The following TTYH2 variants were observed in gnomAD, a reference collection of about 807,000 sequenced individuals.
The protein encoded by TTYH2 is protein tweety homolog 2.
A neutral mutation model predicts 68.3 loss-of-function variants in TTYH2; 49 were observed. The ratio of observed to expected loss-of-function variants is 0.72; its 90% confidence interval spans 0.57 to 0.91. The LOEUF (loss-of-function observed/expected upper bound fraction) is 0.91. Ranked by LOEUF, TTYH2 falls within the 40% of genes least tolerant of loss-of-function variation. The pLI is 0.00. For synonymous variants in TTYH2, 272 were observed against 300.8 expected (o/e 0.90, Z 0.99); for missense variants, 631 against 700.4 (o/e 0.90, Z 1.12).
intron 7 of TTYH2, 61 bp from the exon 8 acceptor site, chr17:74,249,283 G>A: frequency 6.2e-7 from 1 of 1,610,398 alleles, no homozygotes; most frequent in Non-Finnish European, 8.5e-7. Context: ...GGCCACCAAG[G>A]ATGATAGAGA....
At position 74,250,511 on chromosome 17, in the gene TTYH2, G is replaced by A. The variant is rs1441680040; in HGVS notation, c.1116+154G>A. On this transcript the variant is annotated intron_variant, in intron 10 of 13. Transcript: ENST00000269346. ...GAAGCCAGATAATGGGAAGGGAGGG[G>A]GTGCCTGGCTTCTCCAGGGGCTGAG... 7.7e-6 allele frequency: 5 copies of A among 648,184 alleles called. No homozygotes were observed. In the Admixed American group the frequency reaches 8.8e-5, roughly 11 times the overall value. 40.2% of individuals were successfully genotyped at this position (648,184 alleles called of 1,614,324 possible).
chr17:74,254,934 C>G (rs1216080574), intron 13 of TTYH2, among the ~76,000 whole-genome samples: 2 of 152,206 alleles, frequency 1.3e-5, no homozygotes, highest in Admixed American at 1.3e-4. Context: ...CTCCCCATGT[C>G]CCTAGGACTG....
rs570976604 is a variant in TTYH2, at chr17:74,259,839, C to A, written c.1525-290C>A. ...CTGCCCTCAGCCTGCTGGCTGCTGA[C>A]TGCTCCTCCGTGCGCTGGTGGACCC... On this transcript the variant is annotated intron_variant, in intron 13 of 13. Coordinates refer to ENST00000269346, the MANE Select transcript of TTYH2 (RefSeq NM_032646.6). Among the ~76,000 whole-genome samples the A allele has an allele frequency of 7.9e-5, 12 of 152,326 alleles. No individual in the cohort carries two copies. The East Asian group carries it at 2.3e-3, about 29-fold the overall frequency.
chr17:74,213,641 C>T lies in TTYH2; in HGVS notation c.54C>T (p.His18=), dbSNP rs779095403. The change falls in exon 1 of 14, where the codon CAC becomes CAT. Residue 18 remains histidine, a synonymous_variant. Transcript: ENST00000269346. This position sits in a 1 kb window ranked among gnomAD's most constrained non-coding sequence, Gnocchi z 6.1. ...CTCCCTGGTGGGTCGTGTGGCTGCACAGCGTCCCGCACGTCGGCCTGCGCC... is the reference window on the plus strand; with the variant it reads ...CTCCCTGGTGGGTCGTGTGGCTGCATAGCGTCCCGCACGTCGGCCTGCGCC... The part of the protein sequence containing the change: ...YIAPWWVVWL[H]SVPHVGLRLQ... 3.7e-6 allele frequency: 6 copies of T among 1,612,280 alleles called. No individual in the cohort carries two copies. The highest frequency in any genetic ancestry group is 5.1e-6 in the Non-Finnish European group (6 of 1,179,568).
intron 13 of TTYH2, among the ~76,000 whole-genome samples, chr17:74,258,697 GT>G: frequency 6.6e-6 from 1 of 152,130 alleles, no homozygotes; most frequent in East Asian, 1.9e-4. Flanking sequence ...GTCATTCTCG[GT>G]GGGGGGTTCC....
chr17:74,249,422 C>G, intron 8 of TTYH2, 23 bp downstream of exon 8: 2 of 1,612,692 alleles, frequency 1.2e-6, no homozygotes, highest in Non-Finnish European at 1.7e-6. Context: ...GAGGCCTGCC[C>G]TCACCCTGCC....
chr17:74,238,756 A>G (rs909058930), intron 4 of TTYH2, among the ~76,000 whole-genome samples: 8 of 151,850 alleles, frequency 5.3e-5, no homozygotes, highest in Non-Finnish European at 1.2e-4. Flanking sequence ...AATCCCAGCT[A>G]CTTGGGAGGC....
chr17:74,248,651 G>A, intron 6 of TTYH2: 1 of 1,142,118 alleles, frequency 8.8e-7, no homozygotes, highest in African/African-American at 1.6e-5. Flanking sequence ...CTGCCCTGGG[G>A]CCCAGGATGC....
rs572239160 is a variant in TTYH2 at position 74,214,503 on chromosome 17, G to C, written c.129+787G>C. Among the ~76,000 whole-genome samples, 201 of 152,146 alleles carry C rather than the reference G, an allele frequency of 1.3e-3. No individual in the cohort carries two copies. The highest frequency in any genetic ancestry group is 2.3e-3 in the Non-Finnish European group (154 of 68,018). ...CACACCTTTAAGCCCTGAATTTCTGGCCTAGGGCAGTCACTCCCGGCTTCC... is the reference window on the plus strand; with the variant it reads ...CACACCTTTAAGCCCTGAATTTCTGCCCTAGGGCAGTCACTCCCGGCTTCC... On this transcript the variant is annotated intron_variant, in intron 1 of 13. Coordinates refer to ENST00000269346, the MANE Select transcript of TTYH2 (RefSeq NM_032646.6). The surrounding 1 kb of genome is among the most constrained non-coding windows in gnomAD (Gnocchi z 4.6).
At position 74,213,794 on chromosome 17, in the gene TTYH2, C is replaced by T. The variant is rs959031730; in HGVS notation, c.129+78C>T. The T allele has an allele frequency of 7.2e-6, 11 of 1,533,742 alleles. No individual in the cohort carries two copies. In the East Asian group the frequency reaches 2.2e-4, roughly 31 times the overall value. ...TACCCCCTCTCCCCTCGAGAGCCTG[C>T]ACTTTCCCACGTGCCTCTCAGACCC... On this transcript the variant is annotated intron_variant, in intron 1 of 13. Transcript: ENST00000269346. This position sits in a 1 kb window ranked among gnomAD's most constrained non-coding sequence, Gnocchi z 6.1.
At chr17:74,253,441 C>T (rs984362495) in intron 12 of TTYH2, among the ~76,000 whole-genome samples, 175 bp downstream of exon 12, 3 of 152,172 alleles carry the variant, frequency 2.0e-5, no homozygotes, top group Admixed American at 6.5e-5. Flanking sequence ...CCCTCCACAC[C>T]CACATGTGCT....
intron 3 of TTYH2, among the ~76,000 whole-genome samples, chr17:74,233,752 C>T (rs992764071): frequency 7.9e-5 from 12 of 152,086 alleles, no homozygotes; most frequent in African/African-American, 2.7e-4. Context: ...AGGGATCAGG[C>T]GGTCCTGGGA....
At chr17:74,255,533 C>A (rs1388964305) in intron 13 of TTYH2, among the ~76,000 whole-genome samples, 1 of 152,110 alleles carries the variant, frequency 6.6e-6, no homozygotes, top group Non-Finnish European at 1.5e-5. Flanking sequence ...CTCACTACAA[C>A]CTCCACCTCC....
intron 2 of TTYH2, among the ~76,000 whole-genome samples, chr17:74,228,272 C>T (rs1048570409): frequency 1.3e-5 from 2 of 152,188 alleles, no homozygotes; most frequent in South Asian, 4.1e-4. Flanking sequence ...GCATGAGCCA[C>T]TGCGCCTGGT....
At position 74,221,929 on chromosome 17, in the gene TTYH2, G is replaced by A. The variant is rs149033617; in HGVS notation, c.130-556G>A. ...ACCTAGAACAAGCTCTTCACATTCT[G>A]GTAGAGGATGATGCCCAGCCTGGGA... is the stretch of plus-strand genomic sequence containing the variant. On this transcript the variant is annotated intron_variant, in intron 1 of 13. Transcript: ENST00000269346. Among the ~76,000 whole-genome samples the A allele has an allele frequency of 2.0e-3, 299 of 152,308 alleles. 1 individual carries two copies. The highest frequency in any genetic ancestry group is 6.7e-3 in the African/African-American group (277 of 41,562).
chr17:74,254,053 C>T (rs2050667559), intron 13 of TTYH2, among the ~76,000 whole-genome samples: 1 of 152,224 alleles, frequency 6.6e-6, no homozygotes, highest in African/African-American at 2.4e-5. Flanking sequence ...AGGAACAAGA[C>T]ACAGCCCACT....
At chr17:74,257,607 T>A (rs1027083354) in intron 13 of TTYH2, among the ~76,000 whole-genome samples, 1 of 152,214 alleles carries the variant, frequency 6.6e-6, no homozygotes, top group African/African-American at 2.4e-5. Context: ...TCACGCCTGG[T>A]GATCGGGATA....
At chr17:74,225,893 A>G (rs1181112925) in intron 2 of TTYH2, among the ~76,000 whole-genome samples, 1 of 152,246 alleles carries the variant, frequency 6.6e-6, no homozygotes, top group Non-Finnish European at 1.5e-5. Flanking sequence ...GATGCGGGCA[A>G]GAGTAAAATC....
At position 74,251,928 on chromosome 17, in the gene TTYH2, C is replaced by A. The variant is rs533684416; in HGVS notation, c.1117-306C>A. The A allele has an allele frequency of 5.4e-3, 1,958 of 364,100 alleles. 17 individuals carry two copies. Among genetic ancestry groups the A allele is most frequent in the Non-Finnish European group, 7.6e-3 (1,492 of 195,414 alleles). 22.6% of individuals were successfully genotyped at this position (364,100 alleles called of 1,614,324 possible). On this transcript the variant is annotated intron_variant, in intron 10 of 13. Coordinates refer to ENST00000269346, the MANE Select transcript of TTYH2 (RefSeq NM_032646.6). ...GTGTGCTGCTTCTTGCCATCCTGGC[C>A]TCAGCTTCAGTGCCCCCGTCTCTGG...
Sources: gnomAD v4.1 joint callset for allele counts (sites outside exome capture counted in the v4.1 genomes callset) on GRCh38, gnomAD v4.1.1 for gene constraint, Gnocchi (gnomAD v3.1) non-coding constraint, MANE v1.5 for transcripts, NCBI Gene and HGNC (gene_info 2026-07-23, HGNC 2026-07-21) for gene names.